PRKCE: variants seen among roughly 807,000 people sequenced by gnomAD.
PRKCE encodes protein kinase C epsilon type.
A neutral mutation model predicts 85.4 loss-of-function variants in PRKCE; 16 were observed. The ratio of observed to expected loss-of-function variants is 0.19; its 90% CI spans 0.13 to 0.28. PRKCE has a LOEUF of 0.28. PRKCE is among the 10% of genes least tolerant of loss of function. The pLI is 1.00. For synonymous variants in PRKCE, 388 were observed against 371.5 expected, an observed-to-expected ratio of 1.04 and a Z score of -0.51; for missense variants, 573 against 975.2, an observed-to-expected ratio of 0.59 and a Z score of 5.49.
In PRKCE at chr2:46,007,571, G is replaced by C; in HGVS notation, c.1173G>C (p.Glu391Asp). Residue 391 changes from glutamate to aspartate, a missense_variant, in exon 9 of 15, where the codon GAG becomes GAC. Coordinates refer to ENST00000306156, the MANE Select transcript of PRKCE (RefSeq NM_005400.3). ...SPDGQLMSPG[E>D]NGEVRQGQAK... ...ATGGCCAGCTGATGAGCCCCGGTGA[G>C]AATGGCGAAGTCCGGCAAGGCCAGG... 1 of 1,599,818 alleles carries C rather than the reference G, an allele frequency of 6.3e-7. No homozygotes were observed. The highest frequency in any genetic ancestry group is 8.5e-7 in the Non-Finnish European group (1 of 1,179,968).
intron 1 of PRKCE, among the ~76,000 whole-genome samples, chr2:45,767,599 A>G (rs538923441): frequency 1.3e-5 from 2 of 152,318 alleles, no homozygotes; most frequent in African/African-American, 2.4e-5. Flanking sequence ...AGCACACTCA[A>G]TCTCCGGGGG....
intron 1 of PRKCE, among the ~76,000 whole-genome samples, chr2:45,703,021 T>TCCCC (rs11445755): frequency 1.3e-4 from 19 of 150,080 alleles, no homozygotes; most frequent in South Asian, 4.2e-4. Flanking sequence ...AAGCCTTTTT[T>TCCCC]CCCCCCCCGT....
chr2:46,116,255 C>G (rs1672755988), intron 11 of PRKCE, among the ~76,000 whole-genome samples: 1 of 152,226 alleles, frequency 6.6e-6, no homozygotes, highest in Non-Finnish European at 1.5e-5. Flanking sequence ...GATGACCACA[C>G]TCCTCTATGT....
chr2:46,084,188 G>C (rs1669363499), intron 10 of PRKCE, among the ~76,000 whole-genome samples: 4 of 152,234 alleles, frequency 2.6e-5, no homozygotes, highest in African/African-American at 9.6e-5. Flanking sequence ...TGGAAGAAAA[G>C]CTGGACTTAG....
intron 6 of PRKCE, among the ~76,000 whole-genome samples, chr2:45,992,555 C>CT (rs1703889677): frequency 6.6e-6 from 1 of 152,214 alleles, no homozygotes; most frequent in Non-Finnish European, 1.5e-5. Flanking sequence ...TGCTCTCTGT[C>CT]TCTGAGCTTG....
At chr2:45,749,444 G>A (rs910062006) in intron 1 of PRKCE, among the ~76,000 whole-genome samples, 5 of 152,192 alleles carry the variant, frequency 3.3e-5, no homozygotes, top group African/African-American at 4.8e-5. Flanking sequence ...GCTCATGGGT[G>A]CAGTTCTGCT....
At chr2:45,903,881 GT>G (rs34124689) in intron 2 of PRKCE, among the ~76,000 whole-genome samples, 4 of 117,136 alleles carry the variant, frequency 3.4e-5, no homozygotes, top group East Asian at 4.6e-4. Flanking sequence ...TAGCCTGGCA[GT>G]TTTTTTTTGT....
intron 1 of PRKCE, among the ~76,000 whole-genome samples, chr2:45,682,750 C>T (rs758907401): frequency 2.6e-5 from 4 of 152,122 alleles, no homozygotes; most frequent in Non-Finnish European, 4.4e-5. Flanking sequence ...CCATGCCTGG[C>T]TATTTTTGGT....
chr2:45,761,636 T>A (rs1684510514), intron 1 of PRKCE, among the ~76,000 whole-genome samples: 1 of 152,126 alleles, frequency 6.6e-6, no homozygotes, highest in Non-Finnish European at 1.5e-5. Context: ...CCCAGTCTAA[T>A]CTCTGGCCTG....
intron 1 of PRKCE, among the ~76,000 whole-genome samples, chr2:45,734,958 T>C (rs1681924579): frequency 6.6e-6 from 1 of 152,248 alleles, no homozygotes; most frequent in Non-Finnish European, 1.5e-5. Flanking sequence ...TTGTTACAGC[T>C]GCGTCGCAGC....
chr2:45,868,258 C>T (rs1484358719), intron 2 of PRKCE, among the ~76,000 whole-genome samples: 1 of 110,886 alleles, frequency 9.0e-6, no homozygotes, highest in African/African-American at 3.5e-5. Flanking sequence ...GATTCTACAG[C>T]CCAGCTTGGG....
At chr2:46,114,246 T>C (rs949469981) in intron 11 of PRKCE, among the ~76,000 whole-genome samples, 26 of 152,176 alleles carry the variant, frequency 1.7e-4, no homozygotes, top group African/African-American at 6.3e-4. Context: ...TGTGCAGACC[T>C]CAGCCTGCCA....
intron 11 of PRKCE, among the ~76,000 whole-genome samples, chr2:46,118,198 G>T (rs1292855755): frequency 6.6e-6 from 1 of 152,206 alleles, no homozygotes; most frequent in Non-Finnish European, 1.5e-5. Flanking sequence ...CTCCTTTGAG[G>T]TTGTTTAGAA....
intron 2 of PRKCE, among the ~76,000 whole-genome samples, chr2:45,952,153 C>G (rs1261354089): frequency 1.3e-5 from 2 of 152,200 alleles, no homozygotes; most frequent in Admixed American, 1.3e-4. Context: ...CTTAAAAGAG[C>G]CTGACTCCTA....
intron 2 of PRKCE, among the ~76,000 whole-genome samples, chr2:45,900,728 C>T (rs1356739955): frequency 6.6e-6 from 1 of 152,348 alleles, no homozygotes; most frequent in African/African-American, 2.4e-5. Context: ...GTACTTAATA[C>T]TAATGAATTA....
chr2:45,957,527 C>T (rs1701052141), intron 2 of PRKCE, among the ~76,000 whole-genome samples: 1 of 152,186 alleles, frequency 6.6e-6, no homozygotes, highest in Admixed American at 6.5e-5. Context: ...CTTTCTACAT[C>T]TTAATCAGTG....
intron 2 of PRKCE, among the ~76,000 whole-genome samples, chr2:45,900,808 T>G (rs1313418029): frequency 2.0e-5 from 3 of 152,254 alleles, no homozygotes; most frequent in Admixed American, 2.0e-4. Context: ...TTAAATGTAA[T>G]TGATTCCTAA....
chr2:46,030,245 C>T (rs763509424), intron 10 of PRKCE, among the ~76,000 whole-genome samples: 24 of 152,214 alleles, frequency 1.6e-4, no homozygotes, highest in Non-Finnish European at 2.8e-4. Context: ...TAGACACACT[C>T]AGAAAGACAG....
At chr2:45,755,327 T>C (rs1019013512) in intron 1 of PRKCE, among the ~76,000 whole-genome samples, 1 of 152,200 alleles carries the variant, frequency 6.6e-6, no homozygotes, top group Non-Finnish European at 1.5e-5. Flanking sequence ...AGCAAATACA[T>C]TTTTGCAGCC....
Sources: allele counts gnomAD v4.1 joint callset (sites outside exome capture counted in the v4.1 genomes callset), GRCh38; gene constraint gnomAD v4.1.1; transcripts MANE v1.5; gene names NCBI Gene and HGNC (gene_info 2026-07-23, HGNC 2026-07-21).